SORCS3: variants seen among roughly 807,000 people sequenced by gnomAD.
The protein encoded by SORCS3 is sortilin related VPS10 domain containing receptor 3.
Under a neutral mutation model 146.3 loss-of-function variants are expected in SORCS3, and 57 were observed. The observed-to-expected ratio is 0.39, with a 90% CI of 0.31 to 0.49. The LOEUF (loss-of-function observed/expected upper bound fraction) is 0.49, where lower values mean the gene tolerates loss of function less well. Among genes scored for constraint, SORCS3 ranks in the 20% least tolerant of loss-of-function variants. The pLI is 0.92. For synonymous variants in SORCS3, 653 were observed against 618.5 expected (o/e 1.06, Z -0.83); for missense variants, 1,341 against 1,575.5 (o/e 0.85, Z 2.52).
chr10:105,214,351 T>A, intron 17 of SORCS3, 91 bp from the exon 18 acceptor site: 1 of 1,405,646 alleles, frequency 7.1e-7, no homozygotes, highest in Non-Finnish European at 9.9e-7. Flanking sequence ...CTTGCTCTCT[T>A]ACATTCCCTT....
chr10:105,162,184 C>G (rs1028521098), intron 11 of SORCS3, among the ~76,000 whole-genome samples: 1 of 152,154 alleles, frequency 6.6e-6, no homozygotes, highest in African/African-American at 2.4e-5. Flanking sequence ...ATTTAAGGAG[C>G]AGAGAAGGAT....
chr10:104,698,873 G>A (rs1338438928), intron 1 of SORCS3, among the ~76,000 whole-genome samples: 1 of 152,254 alleles, frequency 6.6e-6, no homozygotes, highest in East Asian at 1.9e-4. Context: ...ACTGTGGGAT[G>A]GAGGAGTCAA....
chr10:105,140,113 A>G (rs944538445), intron 8 of SORCS3, among the ~76,000 whole-genome samples: 11 of 152,140 alleles, frequency 7.2e-5, no homozygotes, highest in African/African-American at 2.7e-4. Context: ...GTGAAAATGG[A>G]CAGGTTATAA....
At chr10:104,888,364 G>C (rs546765405) in intron 2 of SORCS3, among the ~76,000 whole-genome samples, 217 of 152,276 alleles carry the variant, frequency 1.4e-3, no homozygotes, top group African/African-American at 5.0e-3. Context: ...AAGAAATTGG[G>C]CTTCATTCTA....
chr10:104,738,482 A>T (rs1263970291), intron 1 of SORCS3, among the ~76,000 whole-genome samples: 1 of 152,204 alleles, frequency 6.6e-6, no homozygotes, highest in African/African-American at 2.4e-5. Context: ...TCCTGGAAGT[A>T]AATGAACCAG....
intron 2 of SORCS3, among the ~76,000 whole-genome samples, chr10:104,892,564 A>G (rs1422099896): frequency 1.3e-5 from 2 of 152,190 alleles, no homozygotes; most frequent in East Asian, 3.9e-4. Context: ...TCTACTAAAA[A>G]TACAAAAAAT....
intron 1 of SORCS3, among the ~76,000 whole-genome samples, chr10:104,834,809 T>C (rs2018047485): frequency 6.6e-6 from 1 of 152,008 alleles, no homozygotes; most frequent in Admixed American, 6.6e-5. Flanking sequence ...CTATACATAT[T>C]AGTTTGGTGA....
At chr10:105,179,290 T>G (rs2056427985) in intron 14 of SORCS3, among the ~76,000 whole-genome samples, 1 of 152,198 alleles carries the variant, frequency 6.6e-6, no homozygotes, top group Non-Finnish European at 1.5e-5. Flanking sequence ...AGTTCTGTGT[T>G]CATCTAATCT....
chr10:104,960,457 C>A (rs1470624186), intron 3 of SORCS3, among the ~76,000 whole-genome samples: 2 of 152,098 alleles, frequency 1.3e-5, no homozygotes, highest in Admixed American at 1.3e-4. Context: ...TGGTGAGTGT[C>A]TTCTTGCTGG....
chr10:105,079,920 T>C (rs555208991), intron 5 of SORCS3, among the ~76,000 whole-genome samples: 5 of 152,346 alleles, frequency 3.3e-5, no homozygotes, highest in African/African-American at 1.2e-4. Context: ...TGGTGTACCA[T>C]GGTGTATATG....
intron 7 of SORCS3, 55 bp downstream of exon 7, chr10:105,105,570 C>A: frequency 8.0e-7 from 1 of 1,256,414 alleles, no homozygotes; most frequent in Non-Finnish European, 1.2e-6. Flanking sequence ...AAGTTGGCTG[C>A]CTGCTAGGAA....
intron 6 of SORCS3, among the ~76,000 whole-genome samples, chr10:105,090,698 C>T (rs767275521): frequency 4.6e-5 from 7 of 152,148 alleles, no homozygotes; most frequent in African/African-American, 9.7e-5. Context: ...GGCCTTGATA[C>T]CAGGAAAAAC....
chr10:104,725,953 G>C (rs925166101), intron 1 of SORCS3, among the ~76,000 whole-genome samples: 1 of 152,208 alleles, frequency 6.6e-6, no homozygotes, highest in Admixed American at 6.5e-5. Context: ...CCCTGCTTCG[G>C]CTTATGCTCA....
At chr10:104,650,159 T>C (rs1437697626) in intron 1 of SORCS3, among the ~76,000 whole-genome samples, 4 of 152,224 alleles carry the variant, frequency 2.6e-5, no homozygotes, top group African/African-American at 9.6e-5. Context: ...ATCACACTGG[T>C]ACAATCCACT....
intron 3 of SORCS3, among the ~76,000 whole-genome samples, chr10:104,944,541 G>C (rs998124118): frequency 6.6e-6 from 1 of 151,972 alleles, no homozygotes. Context: ...TAAAAAAATG[G>C]GCAGAAGACT....
chr10:104,888,304 G>A (rs1035413576), intron 2 of SORCS3, among the ~76,000 whole-genome samples: 4 of 152,188 alleles, frequency 2.6e-5, no homozygotes, highest in Non-Finnish European at 5.9e-5. Context: ...CCAGAGCAAA[G>A]TGTGACTGGC....
intron 1 of SORCS3, among the ~76,000 whole-genome samples, chr10:104,754,839 T>C (rs2017029584): frequency 6.6e-6 from 1 of 152,236 alleles, no homozygotes. Context: ...TCTATAAAGA[T>C]TTATTCCAGT....
intron 1 of SORCS3, among the ~76,000 whole-genome samples, chr10:104,769,859 C>T (rs1048205080): frequency 2.0e-5 from 3 of 152,106 alleles, no homozygotes; most frequent in Non-Finnish European, 4.4e-5. Context: ...TAAGTCTTGG[C>T]TTAGTCTTAT....
At chr10:104,825,520 C>G (rs908895905) in intron 1 of SORCS3, among the ~76,000 whole-genome samples, 1 of 152,192 alleles carries the variant, frequency 6.6e-6, no homozygotes, top group Non-Finnish European at 1.5e-5. Context: ...AGCCAGTTTC[C>G]TCTTCCATCA....
Sources: allele counts gnomAD v4.1 joint callset (sites outside exome capture counted in the v4.1 genomes callset), GRCh38; gene constraint gnomAD v4.1.1; transcripts MANE v1.5; gene names NCBI Gene and HGNC (gene_info 2026-07-23, HGNC 2026-07-21).